The following NPR3 variants were observed in gnomAD, a reference collection of about 807,000 sequenced individuals.
The protein encoded by NPR3 is atrial natriuretic peptide receptor 3.
NPR3 carries 34 observed loss-of-function variants against 54.5 expected under a neutral mutation model. That is an observed-to-expected ratio of 0.62 (90% CI 0.47 to 0.83). NPR3 has a LOEUF of 0.83. Ranked by LOEUF, NPR3 falls within the 40% of genes least tolerant of loss-of-function variation. NPR3 has a pLI of 0.00. For missense variants in NPR3, 674 were observed against 720.8 expected, an observed-to-expected ratio of 0.94 and a Z score of 0.74; for synonymous variants, 289 against 297.1, an observed-to-expected ratio of 0.97 and a Z score of 0.28.
At chr5:32,734,302 T>G (rs696836) in intron 2 of NPR3, among the ~76,000 whole-genome samples, 20,515 of 152,124 alleles carry the variant, frequency 0.13, 1,778 homozygotes, top group African/African-American at 0.24. Context: ...TTAGCATTCA[T>G]TTTTTGGACA....
chr5:32,692,849 G>C (rs1365603243), intron 1 of NPR3, among the ~76,000 whole-genome samples: 2 of 152,182 alleles, frequency 1.3e-5, no homozygotes, highest in African/African-American at 2.4e-5. Context: ...GATTGGGGGT[G>C]GTGGCTCACG....
At chr5:32,722,888 A>G (rs1181960246) in intron 1 of NPR3, among the ~76,000 whole-genome samples, 1 of 152,218 alleles carries the variant, frequency 6.6e-6, no homozygotes, top group Non-Finnish European at 1.5e-5. Flanking sequence ...TTCAGGCAGA[A>G]GCAACACCTA....
chr5:32,709,308 G>A (rs562461990), upstream of NPR3: 15 of 152,168 alleles, frequency 9.9e-5, no homozygotes, highest in African/African-American at 3.4e-4. Context: ...GACCTTTCTT[G>A]GAGTCTCGGA....
chr5:32,779,046 G>A (rs1448710525), intron 4 of NPR3, among the ~76,000 whole-genome samples: 1 of 152,176 alleles, frequency 6.6e-6, no homozygotes, highest in African/African-American at 2.4e-5. Context: ...GTGAATGGTA[G>A]CTTCCATTCT....
At chr5:32,724,965 CT>C in intron 2 of NPR3, 145 bp downstream of exon 2, 1 of 928,780 alleles carries the variant, frequency 1.1e-6, no homozygotes, top group Non-Finnish European at 1.6e-6. Context: ...GGAATCATGT[CT>C]TTTGCAGCAA....
At chr5:32,769,255 C>G (rs1264129309) in intron 3 of NPR3, among the ~76,000 whole-genome samples, 2 of 152,186 alleles carry the variant, frequency 1.3e-5, no homozygotes, top group East Asian at 1.9e-4. Context: ...TTTTTAAAGT[C>G]TAGGTACTGT....
intron 3 of NPR3, among the ~76,000 whole-genome samples, chr5:32,764,167 C>T (rs1289178935): frequency 2.6e-5 from 4 of 152,136 alleles, no homozygotes; most frequent in South Asian, 2.1e-4. Flanking sequence ...ATGTCTCCTT[C>T]GTGCATGTGC....
intron 1 of NPR3, among the ~76,000 whole-genome samples, chr5:32,692,873 C>A (rs1740428388): frequency 6.6e-6 from 1 of 152,168 alleles, no homozygotes; most frequent in African/African-American, 2.4e-5. Flanking sequence ...GTAATCCTAG[C>A]ACTTTGGAAG....
chr5:32,709,746 A>G (rs1027120782), upstream of NPR3: 1 of 152,170 alleles, frequency 6.6e-6, no homozygotes, highest in Non-Finnish European at 1.5e-5. Flanking sequence ...CTGTTAAGGG[A>G]GGCGAGCGCT....
chr5:32,755,135 C>T (rs1413731615), intron 3 of NPR3, among the ~76,000 whole-genome samples: 1 of 152,238 alleles, frequency 6.6e-6, no homozygotes, highest in African/African-American at 2.4e-5. Context: ...GCCGGGATTA[C>T]AGGCGTGAGC....
In NPR3 at chr5:32,712,062, G is replaced by A; in HGVS notation, c.286G>A (p.Gly96Ser). Reference sequence around the variant, plus strand: ...GACTGGGAGGCGGCTTCTGCCGCCGGGCACTCGCTTCCAGGTGGCTTACGA... The same window carrying A: ...GACTGGGAGGCGGCTTCTGCCGCCGAGCACTCGCTTCCAGGTGGCTTACGA... ...NGTGRRLLPP[G>S]TRFQVAYEDS... Residue 96 changes from glycine to serine, a missense_variant, in exon 1 of 8, where the codon GGC (glycine) becomes AGC (serine). Physicochemically the swap from Gly to Ser is moderately conservative, Grantham distance 56. Coordinates refer to ENST00000265074, the MANE Select transcript of NPR3 (RefSeq NM_001204375.2). 6.2e-7 allele frequency: 1 copy of A among 1,613,858 alleles called. No individual in the cohort carries two copies. Among genetic ancestry groups the A allele is most frequent in the Non-Finnish European group, 8.5e-7 (1 of 1,179,816 alleles).
At chr5:32,746,061 T>G (rs1042426316) in intron 3 of NPR3, among the ~76,000 whole-genome samples, 1 of 152,250 alleles carries the variant, frequency 6.6e-6, no homozygotes, top group Admixed American at 6.5e-5. Context: ...TAAAGCACTC[T>G]GACACGCTGG....
chr5:32,762,441 C>T (rs1296777733), intron 3 of NPR3, among the ~76,000 whole-genome samples: 1 of 118,016 alleles, frequency 8.5e-6, no homozygotes, highest in Non-Finnish European at 2.0e-5. Context: ...TTCTCCACAT[C>T]CTCTCCAGCA....
Position 32,737,439 on chromosome 5 carries a change from C to T in NPR3, c.893-1425C>T, listed in dbSNP as rs995432216. ...AAGCCACCAGGTCTTTGTTAAACTT[C>T]TTCAGGAAGAGTAGAGTGAGTGCCA... On this transcript the variant is annotated intron_variant, in intron 2 of 7. Coordinates refer to ENST00000265074, the MANE Select transcript of NPR3 (RefSeq NM_001204375.2). Among the ~76,000 whole-genome samples, 11 of 152,178 alleles carry T rather than the reference C, an allele frequency of 7.2e-5. 1 individual carries two copies. Among genetic ancestry groups the T allele is most frequent in the African/African-American group, 2.7e-4 (11 of 41,438 alleles).
chr5:32,765,364 A>G (rs966012095), intron 3 of NPR3, among the ~76,000 whole-genome samples: 1 of 152,208 alleles, frequency 6.6e-6, no homozygotes, highest in African/African-American at 2.4e-5. Context: ...ATTTACCCCA[A>G]TTTTAAGTAC....
intron 1 of NPR3, among the ~76,000 whole-genome samples, chr5:32,698,398 C>T (rs1287759573): frequency 6.6e-6 from 1 of 151,336 alleles, no homozygotes; most frequent in Non-Finnish European, 1.5e-5. Context: ...AGACTTGTTT[C>T]GTGGCTTAAC....
chr5:32,743,994 T>C (rs940694638), intron 3 of NPR3, among the ~76,000 whole-genome samples: 99 of 99,240 alleles, frequency 1.0e-3, no homozygotes, highest in South Asian at 3.1e-3. Context: ...TGCATTTTTT[T>C]TTTTTTTTTT....
intron 7 of NPR3, among the ~76,000 whole-genome samples, chr5:32,785,540 C>T (rs1256470664): frequency 1.3e-5 from 2 of 152,202 alleles, no homozygotes; most frequent in Non-Finnish European, 2.9e-5. Context: ...AAATCAACTT[C>T]CCCCTTCTCA....
At chr5:32,732,992 G>C (rs969713886) in intron 2 of NPR3, among the ~76,000 whole-genome samples, 101 of 152,118 alleles carry the variant, frequency 6.6e-4, no homozygotes, top group African/African-American at 2.3e-3. Flanking sequence ...TTACAGGCAT[G>C]TGCCACCACG....
Sources: gnomAD v4.1 joint callset for allele counts (sites outside exome capture counted in the v4.1 genomes callset) on GRCh38, gnomAD v4.1.1 for gene constraint, MANE v1.5 for transcripts, NCBI Gene and HGNC (gene_info 2026-07-23, HGNC 2026-07-21) for gene names.